The following GIGYF2 variants were observed in gnomAD, a reference collection of about 807,000 sequenced individuals.
GIGYF2 encodes GRB10 interacting GYF protein 2.
GIGYF2 carries 25 observed loss-of-function variants against 208.1 expected under a neutral mutation model. That is an observed-to-expected ratio of 0.12 (90% CI 0.09 to 0.17). The LOEUF (loss-of-function observed/expected upper bound fraction) is 0.17. Among genes scored for constraint, GIGYF2 ranks in the 10% least tolerant of loss-of-function variants. The probability of loss-of-function intolerance (pLI) is 1.00; values close to 1 mark genes in which losing one functional copy is unlikely to be tolerated. For missense variants in GIGYF2, 1,302 were observed against 1,579.4 expected (o/e 0.82, Z 2.98); for synonymous variants, 534 against 543.8 (o/e 0.98, Z 0.25).
chr2:232,803,387 T>C lies in GIGYF2; in HGVS notation c.1640-3104T>C, dbSNP rs192940059. The stretch of plus-strand genomic sequence containing the variant: ...ATAGGTTGTTCTTTTTTGTATTAAG[T>C]TTAACAAGAACACTTTGCCTAGCTT... On this transcript the variant is annotated intron_variant, in intron 14 of 28. Coordinates refer to ENST00000373563, the MANE Select transcript of GIGYF2 (RefSeq NM_001103146.3). Among the ~76,000 whole-genome samples the C allele has an allele frequency of 3.9e-4, 59 of 152,338 alleles. 1 individual carries two copies. Among genetic ancestry groups the C allele is most frequent in the African/African-American group, 1.3e-3 (56 of 41,594 alleles).
At chr2:232,834,431 A>C (rs1423474669) in intron 22 of GIGYF2, among the ~76,000 whole-genome samples, 1 of 152,202 alleles carries the variant, frequency 6.6e-6, no homozygotes, top group East Asian at 1.9e-4. Flanking sequence ...ACCACTGTCC[A>C]TCTGGGAAGT....
intron 12 of GIGYF2, among the ~76,000 whole-genome samples, chr2:232,793,090 T>C (rs1700119734): frequency 6.6e-6 from 1 of 151,966 alleles, no homozygotes; most frequent in Non-Finnish European, 1.5e-5. Context: ...GAGAAGGCAT[T>C]CCAGTACTAG....
At chr2:232,823,002 C>A (rs1254805536) in intron 21 of GIGYF2, among the ~76,000 whole-genome samples, 3 of 152,132 alleles carry the variant, frequency 2.0e-5, no homozygotes, top group Admixed American at 6.6e-5. Context: ...TATCCATTAT[C>A]CAGCTGAAGA....
At chr2:232,848,600 T>A (rs1482393553) in intron 27 of GIGYF2, among the ~76,000 whole-genome samples, 1 of 152,050 alleles carries the variant, frequency 6.6e-6, no homozygotes, top group African/African-American at 2.4e-5. Context: ...ACCACTGCAC[T>A]CCAGCCTGGG....
chr2:232,729,552 T>C, intron 2 of GIGYF2: 3 of 1,387,248 alleles, frequency 2.2e-6, no homozygotes, highest in South Asian at 2.6e-5. Flanking sequence ...GCCACATCCA[T>C]GGACTGCACA....
At chr2:232,755,327 C>T (rs534999157) in intron 5 of GIGYF2, among the ~76,000 whole-genome samples, 6 of 152,094 alleles carry the variant, frequency 3.9e-5, no homozygotes, top group Non-Finnish European at 8.8e-5. Flanking sequence ...CCTGCCACCG[C>T]GCCCGGCTAA....
intron 9 of GIGYF2, among the ~76,000 whole-genome samples, chr2:232,790,020 G>A (rs1020159408): frequency 3.3e-5 from 5 of 151,998 alleles, no homozygotes; most frequent in Admixed American, 3.3e-4. Flanking sequence ...GTGCAGAATT[G>A]GATTTTAGTT....
intron 1 of GIGYF2, chr2:232,698,295 C>T (rs1254599320): frequency 2.0e-5 from 3 of 152,176 alleles, no homozygotes; most frequent in African/African-American, 7.2e-5. Flanking sequence ...CACGTAGTCT[C>T]TCTGTAAGAA....
chr2:232,718,334 C>T (rs969608285), intron 2 of GIGYF2, among the ~76,000 whole-genome samples: 9 of 152,078 alleles, frequency 5.9e-5, no homozygotes, highest in Non-Finnish European at 8.8e-5. Flanking sequence ...CCTGACCTCA[C>T]GCGATCCACT....
At position 232,839,908 on chromosome 2, in the gene GIGYF2, C is replaced by T. The variant is rs1312103987; in HGVS notation, c.2826C>T (p.Ala942=). The stretch of plus-strand genomic sequence containing the variant: ...ATACAACAGCATGTCAGTCCCAGGC[C>T]ACGCTGTCGTTGGCTGAAATCCAAA... ...QSNTTACQSQ[A]TLSLAEIQKL... is the part of the protein sequence containing the mutation. The change falls in exon 23 of 29, where the codon GCC becomes GCT. Residue 942 remains alanine, a synonymous_variant. Coordinates refer to ENST00000373563, the MANE Select transcript of GIGYF2 (RefSeq NM_001103146.3). 1.2e-6 allele frequency: 2 copies of T among 1,613,746 alleles called. No homozygotes were observed. Among genetic ancestry groups the T allele is most frequent in the Non-Finnish European group, 1.7e-6 (2 of 1,179,780 alleles).
At chr2:232,762,732 A>T (rs1442804414) in intron 8 of GIGYF2, among the ~76,000 whole-genome samples, 1 of 152,182 alleles carries the variant, frequency 6.6e-6, no homozygotes, top group Non-Finnish European at 1.5e-5. Flanking sequence ...GGGAATACGT[A>T]GTTATATTTA....
intron 22 of GIGYF2, among the ~76,000 whole-genome samples, chr2:232,833,499 G>A (rs1364130365): frequency 1.3e-5 from 2 of 152,178 alleles, no homozygotes; most frequent in African/African-American, 4.8e-5. Context: ...TAGTACTTTG[G>A]TTTTTTGATC....
intron 2 of GIGYF2, among the ~76,000 whole-genome samples, chr2:232,713,270 G>A (rs1035592544): frequency 1.3e-5 from 2 of 152,032 alleles, no homozygotes; most frequent in African/African-American, 2.4e-5. Flanking sequence ...CAGAGACAGG[G>A]TTTCACCATG....
Position 232,845,833 on chromosome 2 carries a change from C to T in GIGYF2, c.3407C>T (p.Thr1136Met), listed in dbSNP as rs776246457. 5.6e-6 allele frequency: 9 copies of T among 1,613,382 alleles called. No homozygotes were observed. The highest frequency in any genetic ancestry group is 2.2e-5 in the East Asian group (1 of 44,884). Residue 1136 changes from threonine (T) to methionine (M), a missense_variant, in exon 26 of 29, where the codon ACG (threonine) becomes ATG (methionine). Physicochemically the swap from Thr to Met is moderately conservative, Grantham distance 81. This residue lies in a region of GIGYF2 where 701 missense variants were observed against 793.0 expected (regional missense o/e 0.88). Coordinates refer to ENST00000373563, the MANE Select transcript of GIGYF2 (RefSeq NM_001103146.3). Reference sequence around the variant, plus strand: ...GTAAATAAAGCCCAAGATGGATTTACGCAGTGGTGTGAACAGATGCTTCAT... The same window carrying T: ...GTAAATAAAGCCCAAGATGGATTTATGCAGTGGTGTGAACAGATGCTTCAT... Reference protein sequence around the residue: ...QGVNKAQDGFTQWCEQMLHAL... With the variant: ...QGVNKAQDGFMQWCEQMLHAL...
chr2:232,716,860 C>T (rs1696706461), intron 2 of GIGYF2, among the ~76,000 whole-genome samples: 1 of 151,944 alleles, frequency 6.6e-6, no homozygotes, highest in South Asian at 2.1e-4. Context: ...GGCTGGAGTG[C>T]AGTGTCATGA....
chr2:232,743,137 C>A (rs530214948), intron 3 of GIGYF2, among the ~76,000 whole-genome samples: 1 of 152,074 alleles, frequency 6.6e-6, no homozygotes, highest in Non-Finnish European at 1.5e-5. Context: ...ATTTACTACC[C>A]ATGGTAGAAT....
chr2:232,837,352 T>G (rs1222834044), intron 22 of GIGYF2, among the ~76,000 whole-genome samples: 1 of 152,234 alleles, frequency 6.6e-6, no homozygotes, highest in Non-Finnish European at 1.5e-5. Context: ...GAGTAGGTCT[T>G]GGTTTAAGTA....
At chr2:232,753,664 A>T (rs780613144) in intron 5 of GIGYF2, among the ~76,000 whole-genome samples, 1 of 152,184 alleles carries the variant, frequency 6.6e-6, no homozygotes, top group African/African-American at 2.4e-5. Flanking sequence ...GCGTGCTTGC[A>T]GTCACCCGTG....
chr2:232,836,833 C>G (rs913057222), intron 22 of GIGYF2, among the ~76,000 whole-genome samples: 2 of 152,130 alleles, frequency 1.3e-5, no homozygotes, highest in African/African-American at 4.8e-5. Flanking sequence ...CACCATTAGG[C>G]TTGAACTCAT....
Sources: gnomAD v4.1 joint callset for allele counts (sites outside exome capture counted in the v4.1 genomes callset) on GRCh38, gnomAD v4.1.1 for gene constraint, gnomAD v4.1.1 regional missense constraint, MANE v1.5 for transcripts, NCBI Gene and HGNC (gene_info 2026-07-23, HGNC 2026-07-21) for gene names.